Variants in GRM7 observed in about 807,000 individuals in gnomAD.
GRM7 encodes the protein metabotropic glutamate receptor 7.
Under a neutral mutation model 84.5 loss-of-function variants are expected in GRM7, and 35 were observed. The ratio of observed to expected loss-of-function variants is 0.41; its 90% CI spans 0.32 to 0.55. GRM7 has a LOEUF of 0.55. GRM7 is among the 20% of genes least tolerant of loss of function. GRM7 has a pLI of 0.19. For missense variants in GRM7, 1,003 were observed against 1,194.6 expected (o/e 0.84, Z 2.36); for synonymous variants, 487 against 455.1 (o/e 1.07, Z -0.89).
intron 1 of GRM7, among the ~76,000 whole-genome samples, chr3:7,097,919 C>T (rs1446569791): frequency 6.6e-6 from 1 of 152,094 alleles, no homozygotes; most frequent in African/African-American, 2.4e-5. Context: ...TCCACTGAAT[C>T]TCGTTGAGGA....
intron 1 of GRM7, among the ~76,000 whole-genome samples, chr3:7,116,128 C>T (rs146373105): frequency 1.6e-3 from 247 of 152,114 alleles, no homozygotes; most frequent in African/African-American, 4.8e-3. Context: ...TTGTGTTGGA[C>T]GGAAATACTC....
At chr3:7,516,654 G>T (rs917480777) in intron 7 of GRM7, among the ~76,000 whole-genome samples, 1 of 152,084 alleles carries the variant, frequency 6.6e-6, no homozygotes, top group Non-Finnish European at 1.5e-5. Context: ...AGGACTAGAG[G>T]TATGAGCTGG....
At chr3:6,954,943 C>A (rs920748379) in intron 1 of GRM7, among the ~76,000 whole-genome samples, 1 of 152,118 alleles carries the variant, frequency 6.6e-6, no homozygotes, top group Non-Finnish European at 1.5e-5. Context: ...TGCTGAGGCT[C>A]AGTATTCTCA....
At chr3:7,636,261 C>T (rs962429765) in intron 8 of GRM7, 1 of 456,576 alleles carries the variant, frequency 2.2e-6, no homozygotes, top group Non-Finnish European at 4.4e-6. Flanking sequence ...AGGTCTCAGG[C>T]TTTCCCTGAA....
At chr3:7,570,748 C>T (rs1450913252) in intron 7 of GRM7, among the ~76,000 whole-genome samples, 1 of 152,204 alleles carries the variant, frequency 6.6e-6, no homozygotes, top group African/African-American at 2.4e-5. Flanking sequence ...GGTGGTGCCT[C>T]AGTAGGGACT....
intron 1 of GRM7, among the ~76,000 whole-genome samples, chr3:7,137,779 T>A (rs1427895247): frequency 6.6e-6 from 1 of 152,028 alleles, no homozygotes. Context: ...ACCCACATAA[T>A]GTCTTCTCTT....
At chr3:7,425,935 A>G (rs1696589081) in intron 5 of GRM7, among the ~76,000 whole-genome samples, 1 of 152,100 alleles carries the variant, frequency 6.6e-6, no homozygotes, top group East Asian at 1.9e-4. Flanking sequence ...TCCAGCACCG[A>G]GTATATATCA....
intron 2 of GRM7, among the ~76,000 whole-genome samples, chr3:7,152,523 C>T (rs1158968719): frequency 6.6e-6 from 1 of 152,172 alleles, no homozygotes; most frequent in African/African-American, 2.4e-5. Context: ...TACCTTGAGC[C>T]CCCATACATA....
intron 7 of GRM7, among the ~76,000 whole-genome samples, chr3:7,504,467 C>T (rs1435560008): frequency 6.6e-6 from 1 of 152,174 alleles, no homozygotes; most frequent in Non-Finnish European, 1.5e-5. Flanking sequence ...AAGAATACCA[C>T]AGACCGAGTA....
chr3:7,176,517 C>T (rs1032616137), intron 2 of GRM7, among the ~76,000 whole-genome samples: 12 of 152,124 alleles, frequency 7.9e-5, no homozygotes, highest in South Asian at 2.1e-4. Flanking sequence ...AGAAAATATA[C>T]GCAATTGACC....
intron 4 of GRM7, among the ~76,000 whole-genome samples, chr3:7,385,845 A>G (rs1372774917): frequency 6.6e-6 from 1 of 152,240 alleles, no homozygotes; most frequent in Non-Finnish European, 1.5e-5. Context: ...CAGAATGGTT[A>G]AAGATATTGT....
chr3:7,301,587 T>C (rs1431791156), intron 3 of GRM7, among the ~76,000 whole-genome samples: 1 of 152,186 alleles, frequency 6.6e-6, no homozygotes, highest in African/African-American at 2.4e-5. Flanking sequence ...GACTTGCAAG[T>C]AATGTGAGTT....
intron 1 of GRM7, among the ~76,000 whole-genome samples, chr3:7,053,262 A>C (rs1377904479): frequency 6.6e-6 from 1 of 151,132 alleles, no homozygotes; most frequent in Non-Finnish European, 1.5e-5. Flanking sequence ...ATTGAATAAG[A>C]GCTCTTTATA....
intron 9 of GRM7, among the ~76,000 whole-genome samples, chr3:7,714,845 C>G (rs1470658583): frequency 6.6e-6 from 1 of 152,204 alleles, no homozygotes; most frequent in African/African-American, 2.4e-5. Flanking sequence ...CAGTGTTGAA[C>G]TGGAACATAG....
intron 1 of GRM7, among the ~76,000 whole-genome samples, chr3:7,011,026 T>G (rs533805725): frequency 6.6e-6 from 1 of 152,288 alleles, no homozygotes; most frequent in East Asian, 1.9e-4. Context: ...GCCAAGACAC[T>G]AGAGTCAGAA....
intron 9 of GRM7, among the ~76,000 whole-genome samples, chr3:7,720,157 C>A (rs1575667724): frequency 6.6e-6 from 1 of 152,288 alleles, no homozygotes; most frequent in South Asian, 2.1e-4. Context: ...TTGACAATCT[C>A]TCACAAGATC....
chr3:7,573,815 T>C (rs922307106), intron 7 of GRM7, among the ~76,000 whole-genome samples: 1 of 152,202 alleles, frequency 6.6e-6, no homozygotes, highest in East Asian at 1.9e-4. Context: ...TTCCATTTCT[T>C]TCTAGAGTTG....
chr3:7,617,682 T>G (rs1697160444), intron 8 of GRM7, among the ~76,000 whole-genome samples: 1 of 151,644 alleles, frequency 6.6e-6, no homozygotes, highest in Non-Finnish European at 1.5e-5. Flanking sequence ...TGAGACAGAG[T>G]GAACAGAATT....
At chr3:7,558,099 G>A (rs1345043747) in intron 7 of GRM7, among the ~76,000 whole-genome samples, 2 of 141,316 alleles carry the variant, frequency 1.4e-5, no homozygotes, top group African/African-American at 2.5e-5. Flanking sequence ...TTGCAAGGAT[G>A]TAAAGGAAGC....
Sources: gnomAD v4.1 joint callset for allele counts (sites outside exome capture counted in the v4.1 genomes callset) on GRCh38, gnomAD v4.1.1 for gene constraint, MANE v1.5 for transcripts, NCBI Gene and HGNC (gene_info 2026-07-23, HGNC 2026-07-21) for gene names.